CYP24A1: variants seen among roughly 807,000 people sequenced by gnomAD.
CYP24A1 encodes cytochrome P450 family 24 subfamily A member 1, also known as 1,25-dihydroxyvitamin D(3) 24-hydroxylase, mitochondrial.
CYP24A1 carries 68 observed loss-of-function variants against 62.4 expected under a neutral mutation model. The ratio of observed to expected loss-of-function variants is 1.09; its 90% CI spans 0.90 to 1.33. CYP24A1 has a LOEUF of 1.33. CYP24A1 is among the 40% of genes most tolerant of loss of function. CYP24A1 has a pLI of 0.00. For missense variants in CYP24A1, 787 were observed against 653.0 expected (o/e 1.21, Z -2.24); for synonymous variants, 267 against 253.0 (o/e 1.06, Z -0.52).
chr20:54,149,240 T>C (rs757895971), downstream of CYP24A1, among the ~76,000 whole-genome samples: 10 of 152,142 alleles, frequency 6.6e-5, no homozygotes, highest in Non-Finnish European at 1.2e-4. Context: ...CTCTCCAAGG[T>C]CTTCTAGATT....
At position 54,159,086 on chromosome 20, in the gene CYP24A1, G is replaced by T. The variant is rs1259457397; in HGVS notation, c.1028C>A (p.Ser343Tyr). The T allele has an allele frequency of 6.2e-7, 1 of 1,613,966 alleles. No homozygotes were observed. The highest frequency in any genetic ancestry group is 2.2e-5 in the East Asian group (1 of 44,870). ...NSLMWILYNL[S>Y]RNPQVQQKLL... is the part of the protein sequence containing the mutation. The stretch of plus-strand genomic sequence containing the variant: ...CTTTTGTTGCACTTGGGGATTACGG[G>T]ATAAATTGTAGAGAATCCACATTAG... The change falls in exon 8 of 12, where the codon TCC becomes TAC. Residue 343 changes from serine to tyrosine, a missense_variant. By Grantham distance (144) the Ser-to-Tyr change is moderately radical. Transcript: ENST00000216862.
chr20:54,147,708 T>C, the CYP24A1 span, among the ~76,000 whole-genome samples: 3 of 152,264 alleles, frequency 2.0e-5, no homozygotes, highest in Non-Finnish European at 4.4e-5. Flanking sequence ...GTATGAAATA[T>C]GTTTTGATCA....
intron 4 of CYP24A1, 71 bp from the exon 5 acceptor site, chr20:54,165,904 A>G (rs2092670304): frequency 2.3e-6 from 2 of 876,590 alleles, no homozygotes; most frequent in Middle Eastern, 2.2e-4. Flanking sequence ...TTAGCTGGTT[A>G]TTAAAGACTC....
intron 7 of CYP24A1, among the ~76,000 whole-genome samples, chr20:54,162,050 C>T (rs2092652312): frequency 6.6e-6 from 1 of 152,112 alleles, no homozygotes; most frequent in Non-Finnish European, 1.5e-5. Flanking sequence ...GGGTTGGTCT[C>T]ACTTAGTATC....
chr20:54,157,159 A>G lies in CYP24A1; in HGVS notation c.*10+10T>C. The G allele has an allele frequency of 7.7e-7, 1 of 1,304,024 alleles. No homozygotes were observed. Among genetic ancestry groups the G allele is most frequent in the East Asian group, 2.3e-5 (1 of 43,344 alleles). 80.8% of individuals were successfully genotyped at this position (1,304,024 alleles called of 1,614,324 possible). A position where few individuals can be genotyped will look rare whatever the true frequency, so the allele number is the denominator to read the frequency against. On this transcript the variant is annotated intron_variant, in intron 11 of 11. Transcript: ENST00000216862. The stretch of plus-strand genomic sequence containing the variant: ...CCTTGCAGAGGATAATGAACCGCCT[A>G]GATGCTCACCTGAGGCGTATTATCG...
chr20:54,168,846 TCTTCCTTCCTTCCTTC>T (rs1195139713), intron 4 of CYP24A1, among the ~76,000 whole-genome samples: 9 of 43,436 alleles, frequency 2.1e-4, no homozygotes, highest in African/African-American at 6.5e-4. Flanking sequence ...CTCCCTCCCT[TCTTCCTTCCTTCCTTC>T]CTTCCTTCCT....
chr20:54,170,144 T>C (rs1368132809), intron 3 of CYP24A1, among the ~76,000 whole-genome samples: 1 of 152,176 alleles, frequency 6.6e-6, no homozygotes, highest in Non-Finnish European at 1.5e-5. Context: ...TTAAGCATGT[T>C]GAACTTGGAA....
rs751690053 is a variant in CYP24A1, at chr20:54,172,950, G to A, written c.408C>T (p.Ala136=). The A allele has an allele frequency of 6.2e-7, 1 of 1,613,706 alleles. No homozygotes were observed. Among genetic ancestry groups the A allele is most frequent in the Non-Finnish European group, 8.5e-7 (1 of 1,180,036 alleles). ...PQRLEIKPWK[A]YRDYRKEGYG... ...AGCCTTCTTTGCGGTAGTCGCGATAGGCCTTCCACGGTTTGATCTCCAGCC... is the reference window on the plus strand; with the variant it reads ...AGCCTTCTTTGCGGTAGTCGCGATAAGCCTTCCACGGTTTGATCTCCAGCC... The change falls in exon 2 of 12, where the codon GCC becomes GCT. Residue 136 remains alanine, a synonymous_variant. Coordinates refer to ENST00000216862, the MANE Select transcript of CYP24A1 (RefSeq NM_000782.5).
At chr20:54,145,111 C>T in the CYP24A1 span, among the ~76,000 whole-genome samples, 1 of 151,886 alleles carries the variant, frequency 6.6e-6, no homozygotes, top group Admixed American at 6.6e-5. Context: ...TAAATTCATT[C>T]TAGGTTAGTT....
intron 11 of CYP24A1, among the ~76,000 whole-genome samples, chr20:54,155,121 A>G (rs916163940): frequency 1.3e-5 from 2 of 152,154 alleles, no homozygotes; most frequent in Non-Finnish European, 2.9e-5. Context: ...GGGTGTCACA[A>G]TGCAGCTAGA....
At position 54,173,249 on chromosome 20, in the gene CYP24A1, C is replaced by A; in HGVS notation, c.258+73G>T. The stretch of plus-strand genomic sequence containing the variant: ...CACCATGCGCCCGAGGCGCGCATGT[C>A]GGGGAGGGTTTGGAGCGCCACTGGG... On this transcript the variant is annotated intron_variant, in intron 1 of 11. Coordinates refer to ENST00000216862, the MANE Select transcript of CYP24A1 (RefSeq NM_000782.5). This position sits in a 1 kb window ranked among gnomAD's most constrained non-coding sequence, Gnocchi z 7.2. 6.5e-7 allele frequency: 1 copy of A among 1,529,324 alleles called. No individual in the cohort carries two copies. Among genetic ancestry groups the A allele is most frequent in the Non-Finnish European group, 9.0e-7 (1 of 1,109,280 alleles). 94.7% of individuals were successfully genotyped at this position (1,529,324 alleles called of 1,614,324 possible). A position where few individuals can be genotyped will look rare whatever the true frequency, so the allele number is the denominator to read the frequency against.
In CYP24A1 at chr20:54,169,644, T is replaced by G. The variant is rs2092687076; in HGVS notation, c.588A>C (p.Glu196Asp). 1 of 1,614,198 alleles carries G rather than the reference T, an allele frequency of 6.2e-7. No homozygotes were observed. The highest frequency in any genetic ancestry group is 1.3e-5 in the African/African-American group (1 of 75,048). The change falls in exon 4 of 12, where the codon GAA (glutamate) becomes GAC (aspartate). Residue 196 changes from glutamate (E) to aspartate (D), a missense_variant. Glu to Asp is a conservative substitution (Grantham distance 45). Coordinates refer to ENST00000216862, the MANE Select transcript of CYP24A1 (RefSeq NM_000782.5). ...FMGRIDELCD[E>D]RGHVEDLYSE... ...TGTACAAGTCTTCAACGTGGCCTCTTTCATCACAGAGCTCATCTATTCTGC... is the reference window on the plus strand; with the variant it reads ...TGTACAAGTCTTCAACGTGGCCTCTGTCATCACAGAGCTCATCTATTCTGC...
chr20:54,169,230 C>T (rs2092685407), intron 4 of CYP24A1, among the ~76,000 whole-genome samples: 1 of 152,104 alleles, frequency 6.6e-6, no homozygotes, highest in Non-Finnish European at 1.5e-5. Context: ...CTCCCTTTCT[C>T]TTTTCCTTTA....
intron 4 of CYP24A1, among the ~76,000 whole-genome samples, chr20:54,167,413 G>A (rs918685409): frequency 2.6e-5 from 4 of 152,122 alleles, no homozygotes; most frequent in African/African-American, 9.7e-5. Flanking sequence ...AGGTGGAGGT[G>A]GGAGCATCAT....
rs1195821825 is a variant in CYP24A1 at position 54,153,968 on chromosome 20, G to T, written c.*804C>A. 1 of 151,926 alleles carries T rather than the reference G, an allele frequency of 6.6e-6. No homozygotes were observed. The highest frequency in any genetic ancestry group is 2.4e-5 in the African/African-American group (1 of 41,326). The allele number at this position is 151,926 out of a possible 1,614,324, so 9.4% of individuals were successfully genotyped here. A position where few individuals can be genotyped will look rare whatever the true frequency, so the allele number is the denominator to read the frequency against. ...AGCTGTGACTAAACTTTGAAACATT[G>T]CCCTGCACCACAGATCCTAAATCAA... On this transcript the variant is annotated 3_prime_UTR_variant, in exon 12 of 12. Coordinates refer to ENST00000216862, the MANE Select transcript of CYP24A1 (RefSeq NM_000782.5).
chr20:54,151,194 G>A (rs944966922), downstream of CYP24A1, among the ~76,000 whole-genome samples: 1 of 152,142 alleles, frequency 6.6e-6, no homozygotes, highest in Non-Finnish European at 1.5e-5. Flanking sequence ...GGAAACAGGT[G>A]GGCAATTCCC....
chr20:54,172,661 G>A, intron 2 of CYP24A1: 1 of 773,140 alleles, frequency 1.3e-6, no homozygotes, highest in Non-Finnish European at 2.0e-6. Flanking sequence ...TTTGATGGGA[G>A]GGTGTGGCCC....
At chr20:54,161,103 G>A (rs1378574784) in intron 7 of CYP24A1, among the ~76,000 whole-genome samples, 1 of 152,218 alleles carries the variant, frequency 6.6e-6, no homozygotes. Flanking sequence ...CCTTACCCAG[G>A]CTGGGCTCAC....
chr20:54,173,406 C>T lies in CYP24A1; in HGVS notation c.174G>A (p.Leu58=). The change falls in exon 1 of 12, where the codon CTG becomes CTA. Residue 58 remains leucine, a synonymous_variant. Transcript: ENST00000216862. The surrounding 1 kb of genome is among the most constrained non-coding windows in gnomAD (Gnocchi z 7.2). The part of the protein sequence containing the change: ...AGGETQNAAA[L]PGPTSWPLLG... ...GCAGTGGCCAGCTGGTGGGGCCCGGCAGGGCGGCCGCGTTCTGAGTCTCGC... is the reference window on the plus strand; with the variant it reads ...GCAGTGGCCAGCTGGTGGGGCCCGGTAGGGCGGCCGCGTTCTGAGTCTCGC... 1 of 1,580,132 alleles carries T rather than the reference C, an allele frequency of 6.3e-7. No homozygotes were observed. The highest frequency in any genetic ancestry group is 8.6e-7 in the Non-Finnish European group (1 of 1,161,950).
Sources: gnomAD v4.1 joint callset for allele counts (sites outside exome capture counted in the v4.1 genomes callset) on GRCh38, gnomAD v4.1.1 for gene constraint, Gnocchi (gnomAD v3.1) non-coding constraint, MANE v1.5 for transcripts, NCBI Gene and HGNC (gene_info 2026-07-23, HGNC 2026-07-21) for gene names.